GPR158: variants seen among roughly 807,000 people sequenced by gnomAD.
GPR158 encodes the protein metabotropic glycine receptor.
GPR158 carries 30 observed loss-of-function variants against 78.2 expected under a neutral mutation model. The observed-to-expected ratio is 0.38, with a 90% CI of 0.29 to 0.52. GPR158 has a LOEUF of 0.52. Among genes scored for constraint, GPR158 ranks in the 20% least tolerant of loss-of-function variants. GPR158 has a pLI of 0.83. For missense variants in GPR158, 1,463 were observed against 1,523.5 expected (o/e 0.96, Z 0.66); for synonymous variants, 581 against 591.1 (o/e 0.98, Z 0.25).
chr10:25,540,778 A>ACC (rs1836568270), intron 5 of GPR158, among the ~76,000 whole-genome samples: 1 of 143,304 alleles, frequency 7.0e-6, no homozygotes, highest in Non-Finnish European at 1.5e-5. Flanking sequence ...AACATCACAC[A>ACC]CCGGGGCCTG....
chr10:25,258,151 C>A (rs112821840), intron 2 of GPR158, among the ~76,000 whole-genome samples: 3,001 of 152,262 alleles, frequency 0.02, 84 homozygotes, highest in South Asian at 0.057. Context: ...AGCCATTCAA[C>A]ATGAAAGGCA....
chr10:25,221,325 A>G (rs1408773311), intron 2 of GPR158, among the ~76,000 whole-genome samples, 168 bp downstream of exon 2: 1 of 152,230 alleles, frequency 6.6e-6, no homozygotes, highest in Admixed American at 6.5e-5. Flanking sequence ...AAATTTGTAT[A>G]GAATAACTGT....
intron 2 of GPR158, among the ~76,000 whole-genome samples, chr10:25,338,867 T>C (rs954314682): frequency 6.6e-5 from 10 of 151,544 alleles, no homozygotes; most frequent in Non-Finnish European, 1.5e-4. Flanking sequence ...AGAATTTACA[T>C]CTTTACAACA....
chr10:25,340,105 G>C (rs1356477079), intron 2 of GPR158, among the ~76,000 whole-genome samples: 1 of 151,346 alleles, frequency 6.6e-6, no homozygotes, highest in Non-Finnish European at 1.5e-5. Context: ...GTCTTCAAGG[G>C]AAAAAAAAAT....
chr10:25,434,183 AAAG>A (rs886755361), intron 4 of GPR158, among the ~76,000 whole-genome samples: 16 of 152,186 alleles, frequency 1.1e-4, no homozygotes, highest in African/African-American at 3.6e-4. Context: ...AAACAAACAA[AAAG>A]AAATCATTTA....
At chr10:25,462,512 G>A (rs983186147) in intron 4 of GPR158, among the ~76,000 whole-genome samples, 34 of 152,158 alleles carry the variant, frequency 2.2e-4, no homozygotes, top group African/African-American at 8.0e-4. Flanking sequence ...CGTTGCCATA[G>A]TGATTCTTCT....
chr10:25,371,524 C>T lies in GPR158; in HGVS notation c.1009-24387C>T, dbSNP rs1316883892. ...AAAACAGAGATATAAATCAATGGAACAGAACAGAGCCCTCAGAAATAATGC... is the reference window on the plus strand; with the variant it reads ...AAAACAGAGATATAAATCAATGGAATAGAACAGAGCCCTCAGAAATAATGC... On this transcript the variant is annotated intron_variant, in intron 2 of 10. Transcript: ENST00000376351. Among the ~76,000 whole-genome samples the T allele has an allele frequency of 1.6e-4, 24 of 151,084 alleles. 1 individual carries two copies. In the East Asian group the frequency reaches 4.7e-3, roughly 29 times the overall value.
intron 2 of GPR158, among the ~76,000 whole-genome samples, chr10:25,384,410 G>T (rs952145489): frequency 6.6e-6 from 1 of 152,142 alleles, no homozygotes; most frequent in East Asian, 1.9e-4. Flanking sequence ...ATTGTTCAGC[G>T]TAATGATTCT....
chr10:25,223,741 A>T (rs1163912302), intron 2 of GPR158, among the ~76,000 whole-genome samples: 1 of 152,116 alleles, frequency 6.6e-6, no homozygotes, highest in Non-Finnish European at 1.5e-5. Flanking sequence ...TAACATCCAC[A>T]TTTGTAGGAT....
intron 4 of GPR158, among the ~76,000 whole-genome samples, chr10:25,430,382 A>G (rs912024019): frequency 1.3e-5 from 2 of 150,904 alleles, no homozygotes; most frequent in African/African-American, 4.9e-5. Flanking sequence ...AAATGGAAGA[A>G]CATTCCATGC....
chr10:25,574,645 G>A (rs576732603), intron 7 of GPR158, among the ~76,000 whole-genome samples: 5 of 152,286 alleles, frequency 3.3e-5, no homozygotes, highest in African/African-American at 1.2e-4. Context: ...CCAGCACTTT[G>A]GGAGGCCGAG....
rs2130759628 is a variant in GPR158 at position 25,600,470 on chromosome 10, A to G, written c.*1196A>G. 6.6e-6 allele frequency: 1 copy of G among 152,416 alleles called. No individual in the cohort carries two copies. The highest frequency in any genetic ancestry group is 1.5e-5 in the Non-Finnish European group (1 of 68,016). 9.4% of individuals were successfully genotyped at this position (152,416 alleles called of 1,614,324 possible). On this transcript the variant is annotated 3_prime_UTR_variant, in exon 11 of 11. Coordinates refer to ENST00000376351, the MANE Select transcript of GPR158 (RefSeq NM_020752.3). ...CAGGTAGCTCCTGATAGCACTTTCA[A>G]GGGATTATTTTTTTAAAGAGAAAAA...
At chr10:25,338,482 ATACGTATAATATACGTATATATAT>A (rs1405660619) in intron 2 of GPR158, among the ~76,000 whole-genome samples, 31 of 132,458 alleles carry the variant, frequency 2.3e-4, no homozygotes, top group African/African-American at 8.5e-4. Context: ...TACGTATAAT[ATACGTATAATATACGTATATATAT>A]TACGTATAAT....
rs147291081 is a variant in GPR158, at chr10:25,553,830, C to A, written c.1514+2745C>A. Among the ~76,000 whole-genome samples the A allele has an allele frequency of 2.1e-3, 316 of 152,246 alleles. 1 individual carries two copies. The highest frequency in any genetic ancestry group is 7.3e-3 in the African/African-American group (304 of 41,550). ...AATTGGAACTTCAATTCTGCCATTA[C>A]TTATTTATACAACAAAGAATAAATT... On this transcript the variant is annotated intron_variant, in intron 6 of 10. Coordinates refer to ENST00000376351, the MANE Select transcript of GPR158 (RefSeq NM_020752.3).
intron 6 of GPR158, among the ~76,000 whole-genome samples, chr10:25,553,187 A>G (rs1461245675): frequency 6.6e-6 from 1 of 152,182 alleles, no homozygotes; most frequent in East Asian, 1.9e-4. Context: ...AAATTGACTT[A>G]AAGAAATTAT....
chr10:25,321,280 T>C (rs1419674766), intron 2 of GPR158, among the ~76,000 whole-genome samples: 1 of 152,206 alleles, frequency 6.6e-6, no homozygotes, highest in African/African-American at 2.4e-5. Context: ...AACTGAACAT[T>C]ACAATATGAA....
At chr10:25,311,866 A>G (rs925085813) in intron 2 of GPR158, among the ~76,000 whole-genome samples, 73 of 152,028 alleles carry the variant, frequency 4.8e-4, no homozygotes, top group Non-Finnish European at 1.5e-4. Flanking sequence ...CTGTACAGCT[A>G]AGAAAACCCT....
At chr10:25,490,269 T>C (rs1835787639) in intron 5 of GPR158, among the ~76,000 whole-genome samples, 1 of 151,812 alleles carries the variant, frequency 6.6e-6, no homozygotes, top group Non-Finnish European at 1.5e-5. Flanking sequence ...AAATTAAAGA[T>C]ACATACACTT....
chr10:25,266,502 G>C (rs1359426381), intron 2 of GPR158, among the ~76,000 whole-genome samples: 1 of 152,110 alleles, frequency 6.6e-6, no homozygotes, highest in African/African-American at 2.4e-5. Flanking sequence ...ATGGGATTCG[G>C]TTCCATTTAA....
Sources: allele counts gnomAD v4.1 joint callset (sites outside exome capture counted in the v4.1 genomes callset), GRCh38; gene constraint gnomAD v4.1.1; transcripts MANE v1.5; gene names NCBI Gene and HGNC (gene_info 2026-07-23, HGNC 2026-07-21).